The following TTLL3 variants were observed in gnomAD, a reference collection of about 807,000 sequenced individuals.
The protein encoded by TTLL3 is tubulin tyrosine ligase like 3.
A neutral mutation model predicts 75.2 loss-of-function variants in TTLL3; 63 were observed. The ratio of observed to expected loss-of-function variants is 0.84; its 90% CI spans 0.68 to 1.03. The LOEUF (loss-of-function observed/expected upper bound fraction) is 1.03, where lower values mean the gene tolerates loss of function less well. Among genes scored for constraint, TTLL3 ranks in the 50% least tolerant of loss-of-function variants. The probability of loss-of-function intolerance (pLI) is 0.00; values close to 1 mark genes in which losing one functional copy is unlikely to be tolerated. For missense variants in TTLL3, 997 were observed against 1,069.9 expected (o/e 0.93, Z 0.95); for synonymous variants, 393 against 418.5 (o/e 0.94, Z 0.74).
chr3:9,826,114 C>T (rs2081013758), intron 9 of TTLL3, among the ~76,000 whole-genome samples, 166 bp downstream of exon 9: 1 of 152,196 alleles, frequency 6.6e-6, no homozygotes, highest in Non-Finnish European at 1.5e-5. Flanking sequence ...TTAGCGCCTC[C>T]CTGAACCTCA....
At chr3:9,831,306 T>C (rs1187642910) in intron 11 of TTLL3, among the ~76,000 whole-genome samples, 1 of 152,210 alleles carries the variant, frequency 6.6e-6, no homozygotes, top group Non-Finnish European at 1.5e-5. Flanking sequence ...TCTGATTGTT[T>C]CCTTATGGTG....
At chr3:9,834,481 G>A in intron 12 of TTLL3, 200 bp from the exon 13 acceptor site, 1 of 857,862 alleles carries the variant, frequency 1.2e-6, no homozygotes, top group East Asian at 2.7e-5. Context: ...CTCAGAAGGG[G>A]CACAGCTGGG....
intron 8 of TTLL3, among the ~76,000 whole-genome samples, chr3:9,824,451 C>T (rs1420719318): frequency 1.3e-5 from 2 of 152,234 alleles, no homozygotes; most frequent in African/African-American, 4.8e-5. Flanking sequence ...CGCTCCGTTG[C>T]CCACACTGGA....
At position 9,835,330 on chromosome 3, in the gene TTLL3, AG is replaced by A; in HGVS notation, c.2292del (p.Lys765SerfsTer22). ...GCAGGGGCCTGGGGGATATGAAGCT[AG>A]GGAAGCCCCTGCTTCGATTCCCCAC... ...RRRGLGDMKL[G>X]KPLLRFPTAL... On this transcript the variant is annotated frameshift_variant, in exon 14 of 14. Transcript: ENST00000685419. LOFTEE classifies it low-confidence loss of function (END_TRUNC). 1 of 1,614,166 alleles carries A rather than the reference AG, an allele frequency of 6.2e-7. No homozygotes were observed. Among genetic ancestry groups the A allele is most frequent in the Non-Finnish European group, 8.5e-7 (1 of 1,180,014 alleles).
rs375203139 is a variant in TTLL3 at position 9,828,629 on chromosome 3, C to T, written c.1248-331C>T. 13 of 321,070 alleles carry T rather than the reference C, an allele frequency of 4.0e-5. No individual in the cohort carries two copies. The East Asian group carries it at 5.1e-4, about 13-fold the overall frequency. 19.9% of individuals were successfully genotyped at this position (321,070 alleles called of 1,614,324 possible). Reference sequence around the variant, plus strand: ...CTAGTGTGGAGATGGCGCTTGAACACGTCCTGGCGATGACGGGGCCATACC... The same window carrying T: ...CTAGTGTGGAGATGGCGCTTGAACATGTCCTGGCGATGACGGGGCCATACC... On this transcript the variant is annotated intron_variant, in intron 10 of 13. Transcript: ENST00000685419.
rs775038367 is a variant in TTLL3, at chr3:9,825,845, T to C, written c.900T>C (p.Cys300=). The C allele has an allele frequency of 1.2e-6, 2 of 1,614,000 alleles. No homozygotes were observed. The highest frequency in any genetic ancestry group is 2.7e-5 in the African/African-American group (2 of 74,896). The change falls in exon 9 of 14, where the codon TGT becomes TGC. Residue 300 remains cysteine, a synonymous_variant. Transcript: ENST00000685419. The part of the protein sequence containing the change: ...LRHLDTQVQR[C]EDILQQLQAV... ...ACCTCGACACTCAGGTCCAGCGCTG[T>C]GAGGACATCCTGCAGCAGCTGCAGG... is the stretch of plus-strand genomic sequence containing the variant.
At chr3:9,822,725 ATATTATGTAT>A (rs1440686397) in intron 8 of TTLL3, among the ~76,000 whole-genome samples, 3 of 117,862 alleles carry the variant, frequency 2.5e-5, no homozygotes, top group Non-Finnish European at 5.2e-5. Flanking sequence ...TTGTATGTAT[ATATTATGTAT>A]TATATATATT....
chr3:9,815,909 G>C (rs1422437267), intron 4 of TTLL3, among the ~76,000 whole-genome samples, 165 bp from the exon 5 acceptor site: 1 of 152,242 alleles, frequency 6.6e-6, no homozygotes, highest in Admixed American at 6.5e-5. Flanking sequence ...TGGAGGAAGA[G>C]AAATCTTCTT....
chr3:9,823,886 A>G (rs1174226790), intron 8 of TTLL3, among the ~76,000 whole-genome samples: 1 of 152,204 alleles, frequency 6.6e-6, no homozygotes, highest in East Asian at 1.9e-4. Context: ...GTATTTTGTG[A>G]CTTGGTTTAG....
rs565676081 is a variant in TTLL3, at chr3:9,810,592, C to T, written c.-41-29C>T. 2.6e-6 allele frequency: 4 copies of T among 1,550,480 alleles called. No individual in the cohort carries two copies. In the South Asian group the frequency reaches 4.8e-5, roughly 18 times the overall value. On this transcript the variant is annotated intron_variant, in intron 1 of 13. Transcript: ENST00000685419. This position sits in a 1 kb window ranked among gnomAD's most constrained non-coding sequence, Gnocchi z 4.4. The stretch of plus-strand genomic sequence containing the variant: ...AGACCCTAGGCCCAGCCTCAGTGTA[C>T]CCCGCCCCTATTCCGCATCTTTCTG...
At chr3:9,823,163 C>A (rs879798481) in intron 8 of TTLL3, among the ~76,000 whole-genome samples, 8 of 151,978 alleles carry the variant, frequency 5.3e-5, no homozygotes, top group Non-Finnish European at 1.0e-4. Flanking sequence ...GCGGGCAGAT[C>A]ATGAGATCAG....
At position 9,810,565 on chromosome 3, in the gene TTLL3, C is replaced by G; in HGVS notation, c.-41-56C>G. The G allele has an allele frequency of 2.0e-6, 3 of 1,525,172 alleles. No homozygotes were observed. The highest frequency in any genetic ancestry group is 1.9e-4 in the Middle Eastern group (1 of 5,236). The allele number at this position is 1,525,172 out of a possible 1,614,324, so 94.5% of individuals were successfully genotyped here. ...TGGGCGGCCAGAAAAGATCCTAGGC[C>G]GAGACCCTAGGCCCAGCCTCAGTGT... is the stretch of plus-strand genomic sequence containing the variant. On this transcript the variant is annotated intron_variant, in intron 1 of 13. Coordinates refer to ENST00000685419, the MANE Select transcript of TTLL3 (RefSeq NM_001387446.1). The surrounding 1 kb of genome is among the most constrained non-coding windows in gnomAD (Gnocchi z 4.4).
rs529347474 is a variant in TTLL3, at chr3:9,829,393, C to T, written c.1681C>T (p.Gln561Ter). The change falls in exon 11 of 14, where the codon CAG becomes TAG. Residue 561 changes from glutamine to a stop codon, truncating the protein, a stop_gained and splice_region_variant. Coordinates refer to ENST00000685419, the MANE Select transcript of TTLL3 (RefSeq NM_001387446.1). LOFTEE classifies it high-confidence loss of function. ...DTGAFELIYK[Q>*]PAVEVPQYVG... Reference sequence around the variant, plus strand: ...AGGAGCCTTTGAGCTCATCTATAAGCAGGTGAGGAGGTTGGGCCCAGGCAG... The same window carrying T: ...AGGAGCCTTTGAGCTCATCTATAAGTAGGTGAGGAGGTTGGGCCCAGGCAG... The T allele has an allele frequency of 6.3e-7, 1 of 1,586,900 alleles. No individual in the cohort carries two copies. Among genetic ancestry groups the T allele is most frequent in the East Asian group, 2.2e-5 (1 of 44,500 alleles).
At position 9,810,323 on chromosome 3, in the gene TTLL3, C is replaced by G; in HGVS notation, c.-113C>G. 6.8e-7 allele frequency: 1 copy of G among 1,468,178 alleles called. No individual in the cohort carries two copies. The highest frequency in any genetic ancestry group is 8.9e-7 in the Non-Finnish European group (1 of 1,121,582). The allele number at this position is 1,468,178 out of a possible 1,614,324, so 90.9% of individuals were successfully genotyped here. ...AAGACGCTGGTCCCAGGCACCCACGCCCAGGGCGCCTCGGATACCCACCCC... is the reference window on the plus strand; with the variant it reads ...AAGACGCTGGTCCCAGGCACCCACGGCCAGGGCGCCTCGGATACCCACCCC... On this transcript the variant is annotated 5_prime_UTR_variant, in exon 1 of 14. Transcript: ENST00000685419. The surrounding 1 kb of genome is among the most constrained non-coding windows in gnomAD (Gnocchi z 4.4).
intron 7 of TTLL3, 79 bp downstream of exon 7, chr3:9,818,999 C>T: frequency 6.3e-7 from 1 of 1,585,862 alleles, no homozygotes; most frequent in Non-Finnish European, 8.6e-7. Flanking sequence ...GCCCTTCTAC[C>T]TATCTATTCA....
intron 8 of TTLL3, among the ~76,000 whole-genome samples, chr3:9,824,040 A>G (rs2080779098): frequency 6.6e-6 from 1 of 152,208 alleles, no homozygotes; most frequent in Middle Eastern, 3.2e-3. Context: ...TCCAGGGAGT[A>G]CCTGCTGAGT....
At chr3:9,822,200 G>T (rs2080500975) in intron 8 of TTLL3, among the ~76,000 whole-genome samples, 1 of 149,992 alleles carries the variant, frequency 6.7e-6, no homozygotes, top group African/African-American at 2.4e-5. Flanking sequence ...CGAGTAGCTG[G>T]GATTACAGGC....
intron 4 of TTLL3, among the ~76,000 whole-genome samples, chr3:9,814,764 T>G (rs1368770478): frequency 6.6e-6 from 1 of 151,720 alleles, no homozygotes. Flanking sequence ...GAGGTTGTAG[T>G]GAGCTGAAAT....
chr3:9,833,012 G>A, intron 11 of TTLL3, 92 bp from the exon 12 acceptor site: 1 of 1,507,080 alleles, frequency 6.6e-7, no homozygotes, highest in Non-Finnish European at 9.1e-7. Context: ...GCCTCAGAAA[G>A]TAATTCCACC....
Sources: allele counts gnomAD v4.1 joint callset (sites outside exome capture counted in the v4.1 genomes callset), GRCh38; gene constraint gnomAD v4.1.1; non-coding constraint Gnocchi (gnomAD v3.1); transcripts MANE v1.5; gene names NCBI Gene and HGNC (gene_info 2026-07-23, HGNC 2026-07-21).